Variants in OSBPL6 observed in about 807,000 individuals in gnomAD.
OSBPL6 encodes the protein oxysterol binding protein like 6.
Under a neutral mutation model 125.8 loss-of-function variants are expected in OSBPL6, and 49 were observed. The observed-to-expected ratio is 0.39, with a 90% CI of 0.31 to 0.49. The LOEUF is 0.49. Ranked by LOEUF, OSBPL6 falls within the 20% of genes least tolerant of loss-of-function variation. The pLI, the probability that OSBPL6 is intolerant of heterozygous loss-of-function variation, is 0.88. For missense variants in OSBPL6, 986 were observed against 1,135.4 expected, an observed-to-expected ratio of 0.87 and a Z score of 1.89; for synonymous variants, 394 against 391.8, an observed-to-expected ratio of 1.01 and a Z score of -0.07.
At chr2:178,305,391 T>C (rs544389454) in intron 2 of OSBPL6, among the ~76,000 whole-genome samples, 1 of 152,350 alleles carries the variant, frequency 6.6e-6, no homozygotes, top group East Asian at 1.9e-4. Flanking sequence ...AAGTGGCTGT[T>C]GGCTGTGCAT....
rs151039908 is a variant in OSBPL6, at chr2:178,372,171, C to T, written c.1333C>T (p.His445Tyr). 29 of 1,613,108 alleles carry T rather than the reference C, an allele frequency of 1.8e-5. No homozygotes were observed. In the Admixed American group the frequency reaches 3.7e-4, roughly 20 times the overall value. ...AELRSRLNRI[H>Y]SESIICDQVV... is the part of the protein sequence containing the mutation. Reference sequence around the variant, plus strand: ...ACTAAGGAGTCGGTTGAACAGAATACATTCAGAGTCTATTATTTGTGATCA... The same window carrying T: ...ACTAAGGAGTCGGTTGAACAGAATATATTCAGAGTCTATTATTTGTGATCA... Residue 445 changes from histidine (H) to tyrosine (Y), a missense_variant, in exon 14 of 25, where the codon CAT (histidine) becomes TAT (tyrosine). Transcript: ENST00000190611.
intron 1 of OSBPL6, among the ~76,000 whole-genome samples, chr2:178,253,313 GCCCAGCCTTAAACCAC>G (rs1417817388): frequency 3.9e-5 from 6 of 152,134 alleles, no homozygotes; most frequent in African/African-American, 1.4e-4. Context: ...GAGCCACTGT[GCCCAGCCTTAAACCAC>G]TGTATATGAG....
rs1046664598 is a variant in OSBPL6, at chr2:178,399,524, G to A, written c.*3965G>A. 2.6e-5 allele frequency: 4 copies of A among 152,082 alleles called. No individual in the cohort carries two copies. The highest frequency in any genetic ancestry group is 4.4e-5 in the Non-Finnish European group (3 of 68,006). The allele number at this position is 152,082 out of a possible 1,614,324, so 9.4% of individuals were successfully genotyped here. On this transcript the variant is annotated 3_prime_UTR_variant, in exon 25 of 25. Coordinates refer to ENST00000190611, the MANE Select transcript of OSBPL6 (RefSeq NM_032523.4). ...TCTAAGAAAGACTTAGCTTTATTAC[G>A]TCCAAAATGAGATCTAAAGAAGGAG...
intron 15 of OSBPL6, among the ~76,000 whole-genome samples, chr2:178,380,779 A>T (rs1330720943): frequency 6.6e-6 from 1 of 152,236 alleles, no homozygotes; most frequent in Non-Finnish European, 1.5e-5. Context: ...TATGCTGGTT[A>T]AATTCCTTGT....
At position 178,336,354 on chromosome 2, in the gene OSBPL6, C is replaced by G. The variant is rs1033257746; in HGVS notation, c.711C>G (p.Leu237=). The G allele has an allele frequency of 2.0e-5, 32 of 1,614,086 alleles. No homozygotes were observed. Among genetic ancestry groups the G allele is most frequent in the Non-Finnish European group, 2.7e-5 (32 of 1,180,006 alleles). The change falls in exon 9 of 25, where the codon CTC becomes CTG. Residue 237 remains leucine (L), a synonymous_variant. Transcript: ENST00000190611. The stretch of plus-strand genomic sequence containing the variant: ...CCCCTTTACCATGCAGCAATAGCCT[C>G]CCTGCAACGTGCACAACTGGCCAGA... ...WQSPLPCSNS[L]PATCTTGQSK...
In OSBPL6 at chr2:178,249,827, G is replaced by GTTTT. The variant is rs34986231; in HGVS notation, c.-350-35085_-350-35082dup. On this transcript the variant is annotated intron_variant, in intron 1 of 24. Coordinates refer to ENST00000190611, the MANE Select transcript of OSBPL6 (RefSeq NM_032523.4). ...TATTATAAAATCCCTAACTAGAAGT[G>GTTTT]TTTTTTTTTTTTTTTTTTGGAATCT... 2.1e-3 allele frequency among the ~76,000 whole-genome samples: 252 copies of GTTTT among 119,490 alleles called. 4 individuals are homozygous for GTTTT. The highest frequency in any genetic ancestry group is 7.6e-3 in the African/African-American group (245 of 32,354). The allele number at this position is 119,490 out of a possible 152,430, so 78.4% of individuals were successfully genotyped here.
intron 3 of OSBPL6, among the ~76,000 whole-genome samples, chr2:178,313,622 T>G (rs919451552): frequency 6.6e-6 from 1 of 152,188 alleles, no homozygotes; most frequent in African/African-American, 2.4e-5. Flanking sequence ...AAATAAGTCA[T>G]AAGAGGCTAG....
intron 15 of OSBPL6, among the ~76,000 whole-genome samples, chr2:178,379,421 GA>G (rs1224031642): frequency 2.1e-5 from 3 of 145,966 alleles, no homozygotes; most frequent in Non-Finnish European, 3.0e-5. Context: ...GAAAGAGAAA[GA>G]AAAGAAAGAG....
chr2:178,302,911 A>G (rs1451550280), intron 2 of OSBPL6, among the ~76,000 whole-genome samples: 2 of 152,206 alleles, frequency 1.3e-5, no homozygotes, highest in African/African-American at 2.4e-5. Flanking sequence ...GGTTGTTACA[A>G]CCTCATCCCT....
intron 4 of OSBPL6, among the ~76,000 whole-genome samples, 162 bp from the exon 5 acceptor site, chr2:178,328,094 G>T (rs1484834861): frequency 6.6e-6 from 1 of 152,176 alleles, no homozygotes; most frequent in East Asian, 1.9e-4. Flanking sequence ...AGTTAAAAGT[G>T]CATAGCTGTG....
At chr2:178,332,571 C>A (rs1351129831) in intron 6 of OSBPL6, 70 bp from the exon 7 acceptor site, 17 of 1,109,306 alleles carry the variant, frequency 1.5e-5, no homozygotes, top group Non-Finnish European at 2.3e-5. Context: ...ACTTTGAGTT[C>A]ACTTAAATAC....
intron 1 of OSBPL6, among the ~76,000 whole-genome samples, chr2:178,248,904 T>C (rs2091587185): frequency 6.6e-6 from 1 of 152,180 alleles, no homozygotes; most frequent in Non-Finnish European, 1.5e-5. Flanking sequence ...TGTTCATGTT[T>C]TTCTATTACC....
At chr2:178,288,417 T>C (rs1159863725) in intron 2 of OSBPL6, among the ~76,000 whole-genome samples, 2 of 152,194 alleles carry the variant, frequency 1.3e-5, no homozygotes, top group Admixed American at 1.3e-4. Flanking sequence ...CCAGGCCAGC[T>C]CTCGCCTGTG....
intron 3 of OSBPL6, among the ~76,000 whole-genome samples, chr2:178,321,714 G>T (rs766098651): frequency 1.3e-5 from 2 of 152,104 alleles, no homozygotes; most frequent in Non-Finnish European, 2.9e-5. Context: ...TTTCTAAATT[G>T]TCCTTTAACT....
chr2:178,395,221 G>T (rs1401936200), intron 24 of OSBPL6, among the ~76,000 whole-genome samples: 1 of 152,096 alleles, frequency 6.6e-6, no homozygotes, highest in Non-Finnish European at 1.5e-5. Context: ...ATTTGTTCCT[G>T]CCCTGAGTTC....
intron 11 of OSBPL6, among the ~76,000 whole-genome samples, chr2:178,348,705 A>G (rs1333415269): frequency 5.9e-5 from 9 of 152,212 alleles, no homozygotes; most frequent in Admixed American, 3.9e-4. Flanking sequence ...CAAAATAAGT[A>G]TGAGTCTCTT....
chr2:178,362,735 C>T (rs1343853812), intron 13 of OSBPL6, among the ~76,000 whole-genome samples: 5 of 152,122 alleles, frequency 3.3e-5, no homozygotes, highest in East Asian at 1.9e-4. Flanking sequence ...GAACTGTCGG[C>T]GTATTTTCAG....
Position 178,332,632 on chromosome 2 carries a change from T to C in OSBPL6, c.373-9T>C. On this transcript the variant is annotated splice_polypyrimidine_tract_variant and intron_variant, in intron 6 of 24. Coordinates refer to ENST00000190611, the MANE Select transcript of OSBPL6 (RefSeq NM_032523.4). Reference sequence around the variant, plus strand: ...CCTTTCAGCCTATTTACTAGTCTTTTGATTTCAGATTCAGAAAGGAAAGGT... The same window carrying C: ...CCTTTCAGCCTATTTACTAGTCTTTCGATTTCAGATTCAGAAAGGAAAGGT... 1.3e-6 allele frequency: 2 copies of C among 1,593,694 alleles called. No homozygotes were observed. The highest frequency in any genetic ancestry group is 1.7e-6 in the Non-Finnish European group (2 of 1,161,694).
chr2:178,400,516 A>T lies in OSBPL6; in HGVS notation c.*4957A>T, dbSNP rs979895546. 6.6e-6 allele frequency: 1 copy of T among 151,842 alleles called. No homozygotes were observed. Among genetic ancestry groups the T allele is most frequent in the Admixed American group, 6.6e-5 (1 of 15,252 alleles). 9.4% of individuals were successfully genotyped at this position (151,842 alleles called of 1,614,324 possible). A position where few individuals can be genotyped will look rare whatever the true frequency, so the allele number is the denominator to read the frequency against. On this transcript the variant is annotated 3_prime_UTR_variant, in exon 25 of 25. Transcript: ENST00000190611. ...TGGCCAGGCTGGTCTCGAACTCCTGACCTCAAGTGTTTCACCCGCCTCAGC... is the reference window on the plus strand; with the variant it reads ...TGGCCAGGCTGGTCTCGAACTCCTGTCCTCAAGTGTTTCACCCGCCTCAGC...
Sources: allele counts gnomAD v4.1 joint callset (sites outside exome capture counted in the v4.1 genomes callset), GRCh38; gene constraint gnomAD v4.1.1; transcripts MANE v1.5; gene names NCBI Gene and HGNC (gene_info 2026-07-23, HGNC 2026-07-21).